RGS16: variants seen among roughly 807,000 people sequenced by gnomAD.
The protein encoded by RGS16 is hRGS-r.
In RGS16, 12 loss-of-function variants were observed where a neutral mutation model predicts 18.1. That is an observed-to-expected ratio of 0.66 (90% CI 0.42 to 1.07). RGS16 has a LOEUF of 1.07. Among genes scored for constraint, RGS16 ranks in the 50% least tolerant of loss-of-function variants. The pLI is 0.00. For synonymous variants in RGS16, 88 were observed against 102.0 expected, an observed-to-expected ratio of 0.86 and a Z score of 0.83; for missense variants, 238 against 249.2, an observed-to-expected ratio of 0.95 and a Z score of 0.30.
At chr1:182,603,468 T>C in intron 1 of RGS16, 129 bp from the exon 2 acceptor site, 1 of 679,718 alleles carries the variant, frequency 1.5e-6, no homozygotes, top group Non-Finnish European at 2.6e-6. Context: ...CTGGAAACTC[T>C]TGGCTGTCCC....
chr1:182,602,408 G>A lies in RGS16; in HGVS notation c.220+12C>T, dbSNP rs774863990. 1 of 1,612,032 alleles carries A rather than the reference G, an allele frequency of 6.2e-7. No individual in the cohort carries two copies. Among genetic ancestry groups the A allele is most frequent in the Non-Finnish European group, 8.5e-7 (1 of 1,178,662 alleles). On this transcript the variant is annotated intron_variant, in intron 3 of 4. Coordinates refer to ENST00000367558, the MANE Select transcript of RGS16 (RefSeq NM_002928.4). Reference sequence around the variant, plus strand: ...TGCCACCCAGAGACAGACACAAAAGGCTCCTACTCACTTTTACTGCTCAGC... The same window carrying A: ...TGCCACCCAGAGACAGACACAAAAGACTCCTACTCACTTTTACTGCTCAGC...
At chr1:182,603,657 A>T (rs968726525) in intron 1 of RGS16, among the ~76,000 whole-genome samples, 8 of 152,164 alleles carry the variant, frequency 5.3e-5, no homozygotes, top group Non-Finnish European at 8.8e-5. Context: ...AGAACTCAGC[A>T]TTCTTTTCAG....
At chr1:182,604,128 C>G in intron 1 of RGS16, 88 bp downstream of exon 1, 1 of 1,407,142 alleles carries the variant, frequency 7.1e-7, no homozygotes, top group Non-Finnish European at 9.8e-7. Context: ...CGCCCCATCC[C>G]CGCGCCCACC....
chr1:182,600,939 C>T (rs1395718740), intron 4 of RGS16, among the ~76,000 whole-genome samples: 1 of 152,200 alleles, frequency 6.6e-6, no homozygotes, highest in African/African-American at 2.4e-5. Context: ...TCTGTTGTCT[C>T]CTCATGTCTT....
intron 2 of RGS16, 83 bp downstream of exon 2, chr1:182,603,146 G>A: frequency 1.0e-6 from 1 of 992,022 alleles, no homozygotes; most frequent in Non-Finnish European, 1.6e-6. Flanking sequence ...AGCGTGTCCT[G>A]GCTTCTCCCT....
rs768864276 is a variant in RGS16 at position 182,600,063 on chromosome 1, C to CA, written c.*228dup. 6 of 571,430 alleles carry CA rather than the reference C, an allele frequency of 1.0e-5. No homozygotes were observed. The highest frequency in any genetic ancestry group is 1.9e-5 in the Non-Finnish European group (6 of 321,700). The allele number at this position is 571,430 out of a possible 1,614,324, so 35.4% of individuals were successfully genotyped here. On this transcript the variant is annotated 3_prime_UTR_variant, in exon 5 of 5. Coordinates refer to ENST00000367558, the MANE Select transcript of RGS16 (RefSeq NM_002928.4). ...CCAACCCTCATCATTAGCCCTTATT[C>CA]ACAGGTCCTGGAAGTGGGCGGCTCC...
chr1:182,604,282 G>A lies in RGS16; in HGVS notation c.-23C>T. ...CATGGCTGCGGGCGCAGGGCAGCAC[G>A]TAGTAGGCAGGATGGTGGCAGGCTC... On this transcript the variant is annotated 5_prime_UTR_variant, in exon 1 of 5. The change creates a new upstream start codon in the 5' untranslated region. Transcript: ENST00000367558. 1 of 1,545,998 alleles carries A rather than the reference G, an allele frequency of 6.5e-7. No individual in the cohort carries two copies. The highest frequency in any genetic ancestry group is 8.7e-7 in the Non-Finnish European group (1 of 1,144,808).
chr1:182,600,187 T>TTTTTTTTTA lies in RGS16; in HGVS notation c.*104_*105insTAAAAAAAA. The TTTTTTTTTA allele has an allele frequency of 2.0e-6, 1 of 488,394 alleles. No individual in the cohort carries two copies. Among genetic ancestry groups the TTTTTTTTTA allele is most frequent in the Non-Finnish European group, 3.7e-6 (1 of 268,934 alleles). The allele number at this position is 488,394 out of a possible 1,614,324, so 30.3% of individuals were successfully genotyped here. ...TTTTTTTTTTTTTTTTTTTTTGTCC[T>TTTTTTTTTA]CTTGCACTTGCTTTGCAGAACCTGC... On this transcript the variant is annotated 3_prime_UTR_variant, in exon 5 of 5. Transcript: ENST00000367558.
rs1347037928 is a variant in RGS16, at chr1:182,598,681, G to A, written c.*1611C>T. ...TATAACATGCTGAAACAGGAAAATG[G>A]GGATTGCAAACATCATTCATATCTA... On this transcript the variant is annotated 3_prime_UTR_variant, in exon 5 of 5. Transcript: ENST00000367558. The A allele has an allele frequency of 6.6e-6, 1 of 152,604 alleles. No homozygotes were observed. The highest frequency in any genetic ancestry group is 6.5e-5 in the Admixed American group (1 of 15,276). The allele number at this position is 152,604 out of a possible 1,614,324, so 9.5% of individuals were successfully genotyped here.
chr1:182,600,239 G>C lies in RGS16; in HGVS notation c.*53C>G. On this transcript the variant is annotated 3_prime_UTR_variant, in exon 5 of 5. Transcript: ENST00000367558. ...TCCCACACAGGGGCAGCCACCTCGG[G>C]GATGGGTGACTCAACCTCTCTTCCC... 6.6e-7 allele frequency: 1 copy of C among 1,517,888 alleles called. No homozygotes were observed. Among genetic ancestry groups the C allele is most frequent in the Admixed American group, 1.7e-5 (1 of 59,572 alleles). The allele number at this position is 1,517,888 out of a possible 1,614,324, so 94.0% of individuals were successfully genotyped here.
Position 182,600,162 on chromosome 1 carries a change from T to G in RGS16, c.*130A>C. 2.1e-6 allele frequency: 1 copy of G among 478,010 alleles called. No individual in the cohort carries two copies. Among genetic ancestry groups the G allele is most frequent in the East Asian group, 4.1e-5 (1 of 24,560 alleles). The allele number at this position is 478,010 out of a possible 1,614,324, so 29.6% of individuals were successfully genotyped here. On this transcript the variant is annotated 3_prime_UTR_variant, in exon 5 of 5. Coordinates refer to ENST00000367558, the MANE Select transcript of RGS16 (RefSeq NM_002928.4). ...AAACAGGCTGCTGGAGCGCATTTTTTTTTTTTTTTTTTTTTTTTTTGTCCT... is the reference window on the plus strand; with the variant it reads ...AAACAGGCTGCTGGAGCGCATTTTTGTTTTTTTTTTTTTTTTTTTTGTCCT...
rs769180867 is a variant in RGS16, at chr1:182,599,989, G to A, written c.*303C>T. 9.6e-5 allele frequency: 41 copies of A among 427,228 alleles called. No individual in the cohort carries two copies. The highest frequency in any genetic ancestry group is 1.5e-4 in the Non-Finnish European group (35 of 236,290). The allele number at this position is 427,228 out of a possible 1,614,324, so 26.5% of individuals were successfully genotyped here. A position where few individuals can be genotyped will look rare whatever the true frequency, so the allele number is the denominator to read the frequency against. On this transcript the variant is annotated 3_prime_UTR_variant, in exon 5 of 5. Transcript: ENST00000367558. The stretch of plus-strand genomic sequence containing the variant: ...ACACTTCCTTCTCCGGTGAGAACGA[G>A]AGCCAGTGCTAACCCCCATACCACC...
At position 182,602,132 on chromosome 1, in the gene RGS16, T is replaced by C. The variant is rs775478757; in HGVS notation, c.221A>G (p.Asn74Ser). The C allele has an allele frequency of 3.1e-6, 5 of 1,613,892 alleles. No individual in the cohort carries two copies. Among genetic ancestry groups the C allele is most frequent in the Non-Finnish European group, 4.2e-6 (5 of 1,179,936 alleles). The change falls in exon 4 of 5, where the codon AAT becomes AGT. Residue 74 changes from asparagine to serine, a missense_variant and splice_region_variant. By Grantham distance (46) the Asn-to-Ser change is conservative. Transcript: ENST00000367558. ...GAAAGCGTGGAAGGCAGCCACTCCA[T>C]CTGGGGTTGCGGGAAAGAAGAGGAA... ...ESFDLLLSSK[N>S]GVAAFHAFLK...
rs766766259 is a variant in RGS16 at position 182,601,977 on chromosome 1, C to A, written c.376G>T (p.Ala126Ser). The change falls in exon 4 of 5, where the codon GCC (alanine) becomes TCC (serine). Residue 126 changes from alanine (A) to serine (S), a missense_variant. Transcript: ENST00000367558. The stretch of plus-strand genomic sequence containing the variant: ...ATGGGGGCTCTAACCTCTTTAGGGG[C>A]CTCACTGCAAATGAACTCCTCAAAG... The part of the protein sequence containing the change: ...QIFEEFICSE[A>S]PKEVNIDHET... 1.2e-6 allele frequency: 2 copies of A among 1,614,126 alleles called. No individual in the cohort carries two copies. Among genetic ancestry groups the A allele is most frequent in the Non-Finnish European group, 1.7e-6 (2 of 1,180,016 alleles).
At chr1:182,603,175 C>T (rs767785884) in intron 2 of RGS16, 54 bp downstream of exon 2, 8 of 1,302,402 alleles carry the variant, frequency 6.1e-6, no homozygotes, top group African/African-American at 2.9e-5. Context: ...CTCCTCATGA[C>T]TCCCTTCCCA....
At position 182,599,854 on chromosome 1, in the gene RGS16, G is replaced by A. The variant is rs1215760226; in HGVS notation, c.*438C>T. 1 of 188,416 alleles carries A rather than the reference G, an allele frequency of 5.3e-6. No individual in the cohort carries two copies. The highest frequency in any genetic ancestry group is 2.4e-5 in the African/African-American group (1 of 42,010). 11.7% of individuals were successfully genotyped at this position (188,416 alleles called of 1,614,324 possible). On this transcript the variant is annotated 3_prime_UTR_variant, in exon 5 of 5. Transcript: ENST00000367558. ...GAACAGTCTGGGAATTAGGAAAACAGGATGCAATCAGAGTCAACTGAGCAA... is the reference window on the plus strand; with the variant it reads ...GAACAGTCTGGGAATTAGGAAAACAAGATGCAATCAGAGTCAACTGAGCAA...
In RGS16 at chr1:182,600,533, C is replaced by T. The variant is rs748769539; in HGVS notation, c.388-20G>A. The T allele has an allele frequency of 1.2e-6, 2 of 1,608,244 alleles. No individual in the cohort carries two copies. Among genetic ancestry groups the T allele is most frequent in the Admixed American group, 1.7e-5 (1 of 60,010 alleles). On this transcript the variant is annotated intron_variant, in intron 4 of 4. Transcript: ENST00000367558. Reference sequence around the variant, plus strand: ...GTTGACCTGCGGGAAGGAGGACACACACAGGGTGAGTTGGGGAAGAGGGTG... The same window carrying T: ...GTTGACCTGCGGGAAGGAGGACACATACAGGGTGAGTTGGGGAAGAGGGTG...
chr1:182,600,426 T>C lies in RGS16; in HGVS notation c.475A>G (p.Thr159Ala). The change falls in exon 5 of 5, where the codon ACA becomes GCA. Residue 159 changes from threonine to alanine, a missense_variant. Coordinates refer to ENST00000367558, the MANE Select transcript of RGS16 (RefSeq NM_002928.4). ...GAGTCCTTCTCCATCAGGGTACGTG[T>C]CTTCCCCTGAGCCGCATCAAAGCAT... ...ATCFDAAQGK[T>A]RTLMEKDSYP... is the part of the protein sequence containing the mutation. 1 of 1,614,010 alleles carries C rather than the reference T, an allele frequency of 6.2e-7. No individual in the cohort carries two copies. The highest frequency in any genetic ancestry group is 1.3e-5 in the African/African-American group (1 of 74,988).
In RGS16 at chr1:182,604,221, C is replaced by T. The variant is rs1557866822; in HGVS notation, c.39G>A (p.Leu13=). 1.9e-6 allele frequency: 3 copies of T among 1,551,846 alleles called. No homozygotes were observed. Among genetic ancestry groups the T allele is most frequent in the Non-Finnish European group, 2.6e-6 (3 of 1,147,048 alleles). ...RTLAAFPTTC[L]ERAKEFKTRL... is the part of the protein sequence containing the mutation. ...GTTGGACAACCTCCCCTTACCTCTC[C>T]AGGCAGGTGGTGGGGAAGGCGGCCA... The change falls in exon 1 of 5, where the codon CTG becomes CTA. Residue 13 remains leucine, a synonymous_variant. Transcript: ENST00000367558.
Sources: gnomAD v4.1 joint callset for allele counts (sites outside exome capture counted in the v4.1 genomes callset) on GRCh38, gnomAD v4.1.1 for gene constraint, MANE v1.5 for transcripts, NCBI Gene and HGNC (gene_info 2026-07-23, HGNC 2026-07-21) for gene names.